The following CACNG2 variants were observed in gnomAD, a reference collection of about 807,000 sequenced individuals.
The protein encoded by CACNG2 is voltage-dependent calcium channel gamma-2 subunit.
A neutral mutation model predicts 25.9 loss-of-function variants in CACNG2; 3 were observed. That is an observed-to-expected ratio of 0.12 (90% CI 0.05 to 0.30). The LOEUF is 0.30. Among genes scored for constraint, CACNG2 ranks in the 10% least tolerant of loss-of-function variants. CACNG2 has a pLI of 1.00. For synonymous variants in CACNG2, 167 were observed against 173.3 expected, an observed-to-expected ratio of 0.96 and a Z score of 0.29; for missense variants, 341 against 432.5, an observed-to-expected ratio of 0.79 and a Z score of 1.88.
chr22:36,636,652 C>A (rs763591221), intron 1 of CACNG2, among the ~76,000 whole-genome samples: 1 of 152,226 alleles, frequency 6.6e-6, no homozygotes, highest in Non-Finnish European at 1.5e-5. Context: ...TGCTATTTAC[C>A]GTACCCCCGT....
At chr22:36,581,247 G>A (rs560535753) in intron 2 of CACNG2, among the ~76,000 whole-genome samples, 3 of 152,178 alleles carry the variant, frequency 2.0e-5, no homozygotes, top group Non-Finnish European at 2.9e-5. Flanking sequence ...TATGGAGGCC[G>A]GGGTAGTGAT....
chr22:36,579,741 C>T (rs1935382075), intron 2 of CACNG2, among the ~76,000 whole-genome samples: 1 of 152,214 alleles, frequency 6.6e-6, no homozygotes, highest in South Asian at 2.1e-4. Context: ...TGTTATGAAC[C>T]TGCCAGCTTC....
In CACNG2 at chr22:36,657,025, C is replaced by T. The variant is rs188922336; in HGVS notation, c.211+45341G>A. ...CTGTCCATGATTGGATCCCAGTGCCCGGAAGAGCATCTGGCACACAGAAGT... is the reference window on the plus strand; with the variant it reads ...CTGTCCATGATTGGATCCCAGTGCCTGGAAGAGCATCTGGCACACAGAAGT... On this transcript the variant is annotated intron_variant, in intron 1 of 3. Coordinates refer to ENST00000300105, the MANE Select transcript of CACNG2 (RefSeq NM_006078.5). Among the ~76,000 whole-genome samples, 33 of 152,284 alleles carry T rather than the reference C, an allele frequency of 2.2e-4. No homozygotes were observed. The East Asian group carries it at 4.4e-3, about 20-fold the overall frequency.
intron 1 of CACNG2, among the ~76,000 whole-genome samples, chr22:36,674,604 C>T (rs931414203): frequency 6.6e-6 from 1 of 152,254 alleles, no homozygotes; most frequent in Non-Finnish European, 1.5e-5. Context: ...ATTGGGATTA[C>T]AGGCGTGAGC....
chr22:36,591,308 C>T (rs1488417627), intron 1 of CACNG2, among the ~76,000 whole-genome samples: 4 of 152,160 alleles, frequency 2.6e-5, no homozygotes, highest in East Asian at 3.9e-4. Context: ...GGATTACAGG[C>T]GTGAGCCACC....
intron 1 of CACNG2, among the ~76,000 whole-genome samples, chr22:36,617,591 T>C (rs535102960): frequency 6.7e-6 from 1 of 149,600 alleles, no homozygotes; most frequent in South Asian, 2.2e-4. Flanking sequence ...ATTATAAGTT[T>C]AAAAGGAAGA....
intron 1 of CACNG2, among the ~76,000 whole-genome samples, chr22:36,609,603 C>T (rs1935899414): frequency 7.6e-6 from 1 of 132,032 alleles, no homozygotes; most frequent in African/African-American, 2.9e-5. Flanking sequence ...AATCAGCCCC[C>T]CAGAGCGTGA....
At chr22:36,583,090 G>A (rs1020200679) in intron 2 of CACNG2, among the ~76,000 whole-genome samples, 4 of 152,012 alleles carry the variant, frequency 2.6e-5, no homozygotes, top group African/African-American at 4.8e-5. Context: ...GGAATACTCC[G>A]GAAGGCATGG....
chr22:36,636,024 C>T (rs937586580), intron 1 of CACNG2, among the ~76,000 whole-genome samples: 1 of 152,200 alleles, frequency 6.6e-6, no homozygotes, highest in Non-Finnish European at 1.5e-5. Context: ...TTCTGCATAC[C>T]TCTGAGGCTT....
rs187176185 is a variant in CACNG2 at position 36,567,751 on chromosome 22, A to C, written c.296-1258T>G. 2.7e-3 allele frequency among the ~76,000 whole-genome samples: 416 copies of C among 152,224 alleles called. 2 individuals carry two copies. The highest frequency in any genetic ancestry group is 0.01 in the South Asian group (50 of 4,822). On this transcript the variant is annotated intron_variant, in intron 2 of 3. Transcript: ENST00000300105. ...TTTTTTAATCCAAATTCAAATAGGC[A>C]GTGAGTGACCTCAGGACCCAGCTCC...
intron 1 of CACNG2, among the ~76,000 whole-genome samples, chr22:36,655,736 C>CTCTTCCCT (rs1555899203): frequency 4.2e-4 from 60 of 141,874 alleles, no homozygotes; most frequent in African/African-American, 1.6e-3. Context: ...TTCTTTCTTT[C>CTCTTCCCT]TCTTCCTTTC....
intron 2 of CACNG2, 72 bp downstream of exon 2, chr22:36,587,393 C>G: frequency 1.8e-6 from 2 of 1,142,344 alleles, no homozygotes; most frequent in Non-Finnish European, 2.7e-6. Flanking sequence ...AGGCCTGGTC[C>G]TTGACTCTGT....
chr22:36,565,430 G>C (rs908586295), intron 3 of CACNG2, among the ~76,000 whole-genome samples: 5 of 152,140 alleles, frequency 3.3e-5, no homozygotes, highest in Admixed American at 3.3e-4. Flanking sequence ...TTAGGGCCAC[G>C]GAGAGGGTTA....
intron 1 of CACNG2, among the ~76,000 whole-genome samples, chr22:36,596,160 G>A (rs1935675416): frequency 6.6e-6 from 1 of 152,196 alleles, no homozygotes; most frequent in South Asian, 2.1e-4. Context: ...GGCGTGGGGA[G>A]GAGGCTGTCT....
At chr22:36,672,765 A>C (rs1021446618) in intron 1 of CACNG2, among the ~76,000 whole-genome samples, 1 of 152,154 alleles carries the variant, frequency 6.6e-6, no homozygotes, top group East Asian at 1.9e-4. Context: ...ACCCAGGCCC[A>C]CTGAATCCCA....
In CACNG2 at chr22:36,606,250, C is replaced by G. The variant is rs769202676; in HGVS notation, c.212-18702G>C. On this transcript the variant is annotated intron_variant, in intron 1 of 3. Transcript: ENST00000300105. This position sits in a 1 kb window ranked among gnomAD's most constrained non-coding sequence, Gnocchi z 5.7. ...AGACAAATAATTAATGCAGACGACC[C>G]AGAATGAAACCACAAGGGCAGCGAG... 1.2e-4 allele frequency among the ~76,000 whole-genome samples: 18 copies of G among 152,192 alleles called. No individual in the cohort carries two copies. Among genetic ancestry groups the G allele is most frequent in the Non-Finnish European group, 2.5e-4 (17 of 68,038 alleles).
intron 1 of CACNG2, among the ~76,000 whole-genome samples, chr22:36,646,073 C>T (rs1936519161): frequency 1.3e-5 from 2 of 152,086 alleles, no homozygotes; most frequent in South Asian, 4.1e-4. Flanking sequence ...TCACCCACCC[C>T]AAAAGCTATA....
At chr22:36,694,180 G>A (rs1028107024) in intron 1 of CACNG2, among the ~76,000 whole-genome samples, 4 of 152,120 alleles carry the variant, frequency 2.6e-5, no homozygotes, top group African/African-American at 7.2e-5. Context: ...ATAGCTGACC[G>A]TCTTCTTTTG....
At chr22:36,669,477 A>G (rs1936918571) in intron 1 of CACNG2, among the ~76,000 whole-genome samples, 1 of 141,710 alleles carries the variant, frequency 7.1e-6, no homozygotes, top group African/African-American at 2.6e-5. Flanking sequence ...CATTGAACTC[A>G]GCTTAGGAGA....
Sources: gnomAD v4.1 joint callset for allele counts (sites outside exome capture counted in the v4.1 genomes callset) on GRCh38, gnomAD v4.1.1 for gene constraint, Gnocchi (gnomAD v3.1) non-coding constraint, MANE v1.5 for transcripts, NCBI Gene and HGNC (gene_info 2026-07-23, HGNC 2026-07-21) for gene names.